DNAH5: variants seen among roughly 807,000 people sequenced by gnomAD.
The protein encoded by DNAH5 is dynein axonemal heavy chain 5.
In DNAH5, 372 loss-of-function variants were observed where a neutral mutation model predicts 518.2. The ratio of observed to expected loss-of-function variants is 0.72; its 90% CI spans 0.66 to 0.78. The LOEUF (loss-of-function observed/expected upper bound fraction) is 0.78, where lower values mean the gene tolerates loss of function less well. Among genes scored for constraint, DNAH5 ranks in the 30% least tolerant of loss-of-function variants. DNAH5 has a pLI of 0.00. For missense variants in DNAH5, 5,523 were observed against 5,687.0 expected, an observed-to-expected ratio of 0.97 and a Z score of 0.93; for synonymous variants, 2,039 against 2,025.9, an observed-to-expected ratio of 1.01 and a Z score of -0.17.
chr5:13,706,756 G>T (rs1029631322), intron 76 of DNAH5, among the ~76,000 whole-genome samples: 1 of 152,158 alleles, frequency 6.6e-6, no homozygotes, highest in Non-Finnish European at 1.5e-5. Flanking sequence ...AACCGTATCT[G>T]TCTTTAGCAC....
chr5:13,875,220 C>G (rs1770715041), intron 22 of DNAH5, among the ~76,000 whole-genome samples: 1 of 152,100 alleles, frequency 6.6e-6, no homozygotes, highest in Non-Finnish European at 1.5e-5. Context: ...GTAATCCCAG[C>G]ACTTTGGGAG....
At chr5:13,831,773 A>G (rs1303931067) in intron 35 of DNAH5, among the ~76,000 whole-genome samples, 2 of 152,158 alleles carry the variant, frequency 1.3e-5, no homozygotes, top group Admixed American at 6.5e-5. Context: ...CTCCTGTTGC[A>G]TTTTTGCCAT....
chr5:13,741,465 G>T (rs1186141467), intron 65 of DNAH5, among the ~76,000 whole-genome samples: 2 of 152,128 alleles, frequency 1.3e-5, no homozygotes, highest in African/African-American at 4.8e-5. Flanking sequence ...ACAGATGAAA[G>T]CTCCCTTAGT....
intron 50 of DNAH5, among the ~76,000 whole-genome samples, chr5:13,789,898 C>T (rs774432795): frequency 6.6e-6 from 1 of 152,162 alleles, no homozygotes; most frequent in African/African-American, 2.4e-5. Context: ...ATATCATTAA[C>T]AGACACTTCT....
chr5:13,876,733 A>T lies in DNAH5; in HGVS notation c.3347T>A (p.Ile1116Asn). The change falls in exon 22 of 79, where the codon ATT becomes AAT. Residue 1116 changes from isoleucine (I) to asparagine (N), a missense_variant. By Grantham distance (149) the Ile-to-Asn change is moderately radical. Transcript: ENST00000265104. ...GCTAAGCACAGAAACTAATTTTACAATCTCTTTGTTTTCAGAAACATTCTT... is the reference window on the plus strand; with the variant it reads ...GCTAAGCACAGAAACTAATTTTACATTCTCTTTGTTTTCAGAAACATTCTT... The part of the protein sequence containing the change: ...YYKNVSENKE[I>N]VKLVSVLSTI... 1 of 1,613,916 alleles carries T rather than the reference A, an allele frequency of 6.2e-7. No homozygotes were observed. Among genetic ancestry groups the T allele is most frequent in the Non-Finnish European group, 8.5e-7 (1 of 1,179,878 alleles).
chr5:13,700,413 TG>T (rs1361506198), intron 78 of DNAH5, among the ~76,000 whole-genome samples: 1 of 152,236 alleles, frequency 6.6e-6, no homozygotes, highest in African/African-American at 2.4e-5. Flanking sequence ...CATGTTAATC[TG>T]CTTTATTAGA....
rs1261111362 is a variant in DNAH5, at chr5:13,859,697, C to A, written c.4797-92G>T. ...GTTTTTAAAAATCTTAATTTTTAAC[C>A]GCTTTCTTTACAACCTTAATTATGT... On this transcript the variant is annotated intron_variant, in intron 29 of 78. Transcript: ENST00000265104. 8.4e-6 allele frequency: 11 copies of A among 1,312,974 alleles called. No homozygotes were observed. In the African/African-American group the frequency reaches 1.6e-4, roughly 19 times the overall value. 81.3% of individuals were successfully genotyped at this position (1,312,974 alleles called of 1,614,324 possible). A position where few individuals can be genotyped will look rare whatever the true frequency, so the allele number is the denominator to read the frequency against.
At chr5:13,849,535 C>G (rs1434175597) in intron 31 of DNAH5, among the ~76,000 whole-genome samples, 1 of 152,156 alleles carries the variant, frequency 6.6e-6, no homozygotes, top group African/African-American at 2.4e-5. Flanking sequence ...TTCTATGAAT[C>G]CTATGAACCT....
Position 13,908,409 on chromosome 5 carries a change from C to A in DNAH5, c.1644+2977G>T, listed in dbSNP as rs578029659. Among the ~76,000 whole-genome samples the A allele has an allele frequency of 2.0e-5, 3 of 152,300 alleles. No homozygotes were observed. In the East Asian group the frequency reaches 5.8e-4, roughly 29 times the overall value. On this transcript the variant is annotated intron_variant, in intron 12 of 78. Transcript: ENST00000265104. The stretch of plus-strand genomic sequence containing the variant: ...CAGACACCAGCAAATCTCTACTGAG[C>A]CCTAACACTTTTACCTGGTTTTCCT...
intron 1 of DNAH5, among the ~76,000 whole-genome samples, chr5:13,996,234 C>T (rs1160325018): frequency 6.6e-6 from 1 of 152,184 alleles, no homozygotes; most frequent in African/African-American, 2.4e-5. Context: ...CCTCCTAATA[C>T]TATTATTGCA....
Position 13,813,132 on chromosome 5 carries a change from A to G in DNAH5, c.7231-1309T>C, listed in dbSNP as rs144274509. Among the ~76,000 whole-genome samples, 362 of 152,290 alleles carry G rather than the reference A, an allele frequency of 2.4e-3. 4 individuals are homozygous for G. The highest frequency in any genetic ancestry group is 8.4e-3 in the African/African-American group (350 of 41,556). On this transcript the variant is annotated intron_variant, in intron 43 of 78. Coordinates refer to ENST00000265104, the MANE Select transcript of DNAH5 (RefSeq NM_001369.3). ...AAACATTTCCAATCTGATTCTTCTCATGAGTCTTGCTTTTCCTAACAATTT... is the reference window on the plus strand; with the variant it reads ...AAACATTTCCAATCTGATTCTTCTCGTGAGTCTTGCTTTTCCTAACAATTT...
rs761752856 is a variant in DNAH5, at chr5:13,871,693, T to C, written c.3469A>G (p.Lys1157Glu). Residue 1157 changes from lysine to glutamate, a missense_variant, in exon 23 of 79, where the codon AAG (lysine) becomes GAG (glutamate). By Grantham distance (56) the Lys-to-Glu change is moderately conservative (BLOSUM62 1). Transcript: ENST00000265104. ...AAGGGGCTCTGTGTAATAAATGTCT[T>C]AATGGCTTCTTCTTTTCCCTTTTGC... ...IWQKGKEEAI[K>E]TFITQSPLLS... 6.2e-7 allele frequency: 1 copy of C among 1,613,818 alleles called. No homozygotes were observed. Among genetic ancestry groups the C allele is most frequent in the East Asian group, 2.2e-5 (1 of 44,870 alleles).
chr5:13,776,693 A>T lies in DNAH5; in HGVS notation c.9119T>A (p.Phe3040Tyr). The T allele has an allele frequency of 1.2e-6, 2 of 1,613,706 alleles. No individual in the cohort carries two copies. Among genetic ancestry groups the T allele is most frequent in the Non-Finnish European group, 1.7e-6 (2 of 1,179,766 alleles). The change falls in exon 55 of 79, where the codon TTT becomes TAT. Residue 3040 changes from phenylalanine to tyrosine, a missense_variant. Phe to Tyr is a conservative substitution (Grantham distance 22, BLOSUM62 3). Coordinates refer to ENST00000265104, the MANE Select transcript of DNAH5 (RefSeq NM_001369.3). ...VLSSGEVSNL[F>Y]ARDEIDEINS... ...AATTTCATCAATTTCATCTCGAGCA[A>T]ATAGGTTAGAGACCTTAAAAAGAAG...
At chr5:13,996,601 G>A (rs1426260515) in intron 1 of DNAH5, among the ~76,000 whole-genome samples, 1 of 152,206 alleles carries the variant, frequency 6.6e-6, no homozygotes, top group Non-Finnish European at 1.5e-5. Context: ...GACAGGACCT[G>A]ACCAAGTCCA....
In DNAH5 at chr5:13,762,750, G is replaced by C. The variant is rs775455520; in HGVS notation, c.10253C>G (p.Ser3418Cys). The C allele has an allele frequency of 6.2e-7, 1 of 1,614,052 alleles. No homozygotes were observed. Among genetic ancestry groups the C allele is most frequent in the South Asian group, 1.1e-5 (1 of 91,074 alleles). The change falls in exon 60 of 79, where the codon TCT becomes TGT. Residue 3418 changes from serine (S) to cysteine (C), a missense_variant. Coordinates refer to ENST00000265104, the MANE Select transcript of DNAH5 (RefSeq NM_001369.3). ...CAGAGGCAGTACTTCTTTGTTTATAGAAAAGAAGGAAGCCATAGCTTTCGT... is the reference window on the plus strand; with the variant it reads ...CAGAGGCAGTACTTCTTTGTTTATACAAAAGAAGGAAGCCATAGCTTTCGT... ...SWTKAMASFFSINKEVLPLKA... is the reference protein window; with the variant it reads ...SWTKAMASFFCINKEVLPLKA...
chr5:13,852,590 C>T (rs1246257688), intron 30 of DNAH5, among the ~76,000 whole-genome samples: 2 of 152,200 alleles, frequency 1.3e-5, no homozygotes, highest in Non-Finnish European at 2.9e-5. Context: ...ATCCCATCCC[C>T]ACAGAACCCA....
intron 2 of DNAH5, among the ~76,000 whole-genome samples, chr5:13,928,853 G>A (rs556738593): frequency 6.6e-6 from 1 of 152,326 alleles, no homozygotes; most frequent in Non-Finnish European, 1.5e-5. Flanking sequence ...GCAAGTGCTG[G>A]CGAGGATGTG....
At chr5:13,989,574 C>T (rs990311971) in intron 1 of DNAH5, among the ~76,000 whole-genome samples, 40 of 151,178 alleles carry the variant, frequency 2.6e-4, no homozygotes, top group South Asian at 2.1e-4. Context: ...AGCTCTGCCT[C>T]CCGGGTTCAC....
Position 13,901,538 on chromosome 5 carries a change from T to G in DNAH5, c.1766A>C (p.Tyr589Ser). Residue 589 changes from tyrosine (Y) to serine (S), a missense_variant, in exon 14 of 79, where the codon TAT (tyrosine) becomes TCT (serine). This residue lies in a region of DNAH5 where 5,121 missense variants were observed against 5,223.3 expected (regional missense o/e 0.98). Transcript: ENST00000265104. ...NIPNLGIDDK[Y>S]QLILENYGAD... ...CCCATAGTTCTCAAGGATAAGTTGA[T>G]ATTTGTCATCAATACCAAGATTAGG... The G allele has an allele frequency of 1.9e-6, 3 of 1,613,556 alleles. No homozygotes were observed. The highest frequency in any genetic ancestry group is 2.5e-6 in the Non-Finnish European group (3 of 1,179,868).
Sources: allele counts gnomAD v4.1 joint callset (sites outside exome capture counted in the v4.1 genomes callset), GRCh38; gene constraint gnomAD v4.1.1; regional missense constraint gnomAD v4.1.1; transcripts MANE v1.5; gene names NCBI Gene and HGNC (gene_info 2026-07-23, HGNC 2026-07-21).